Variants in CCDC57 observed in about 807,000 individuals in gnomAD.
The protein encoded by CCDC57 is coiled-coil domain containing 57.
Under a neutral mutation model 118.9 loss-of-function variants are expected in CCDC57, and 118 were observed. The ratio of observed to expected loss-of-function variants is 0.99; its 90% confidence interval spans 0.86 to 1.16. The LOEUF (loss-of-function observed/expected upper bound fraction) is 1.16, where lower values mean the gene tolerates loss of function less well. CCDC57 is among the 50% of genes most tolerant of loss of function. The pLI, the probability that CCDC57 is intolerant of heterozygous loss-of-function variation, is 0.00. For synonymous variants in CCDC57, 527 were observed against 532.9 expected (o/e 0.99, Z 0.15); for missense variants, 1,300 against 1,320.7 (o/e 0.98, Z 0.24).
chr17:82,128,142 G>C (rs184397288), intron 18 of CCDC57, among the ~76,000 whole-genome samples: 2 of 152,140 alleles, frequency 1.3e-5, no homozygotes, highest in African/African-American at 4.8e-5. Context: ...CTCAGTGCTC[G>C]TCTCAACACT....
chr17:82,172,916 C>A lies in CCDC57; in HGVS notation c.1507-56G>T. 6 of 1,482,024 alleles carry A rather than the reference C, an allele frequency of 4.0e-6. No individual in the cohort carries two copies. Among genetic ancestry groups the A allele is most frequent in the Non-Finnish European group, 4.6e-6 (5 of 1,081,158 alleles). 91.8% of individuals were successfully genotyped at this position (1,482,024 alleles called of 1,614,324 possible). Reference sequence around the variant, plus strand: ...AAGATGAATGGTTCCCCAGCTTGTCCTGACAGGCTGTGCCTCCGCTCTCCC... The same window carrying A: ...AAGATGAATGGTTCCCCAGCTTGTCATGACAGGCTGTGCCTCCGCTCTCCC... On this transcript the variant is annotated intron_variant, in intron 11 of 19. Coordinates refer to ENST00000665763, the Ensembl canonical transcript of CCDC57. The surrounding 1 kb of genome is among the most constrained non-coding windows in gnomAD (Gnocchi z 5.2).
At chr17:82,116,254 C>T (rs1208901229) in intron 19 of CCDC57, among the ~76,000 whole-genome samples, 2 of 151,812 alleles carry the variant, frequency 1.3e-5, no homozygotes, top group African/African-American at 2.4e-5. Flanking sequence ...CTAAACCATC[C>T]TCTGCAGCTG....
intron 16 of CCDC57, among the ~76,000 whole-genome samples, chr17:82,145,347 G>A (rs1194081967): frequency 7.0e-6 from 1 of 143,768 alleles, no homozygotes; most frequent in African/African-American, 2.5e-5. Flanking sequence ...ATGAGTATGA[G>A]ACCAGCCTGG....
intron 16 of CCDC57, among the ~76,000 whole-genome samples, chr17:82,140,393 G>A (rs1183181366): frequency 6.6e-6 from 1 of 151,804 alleles, no homozygotes; most frequent in Non-Finnish European, 1.5e-5. Context: ...ACCAATTTTT[G>A]TATTTTTAGT....
intron 14 of CCDC57, among the ~76,000 whole-genome samples, chr17:82,161,876 G>A (rs1000590583): frequency 4.6e-5 from 7 of 152,006 alleles, no homozygotes; most frequent in African/African-American, 1.7e-4. Flanking sequence ...ACTTTAAAAT[G>A]GCCAAAATGA....
chr17:82,183,872 A>G, exon 9 of CCDC57: 1 of 1,613,570 alleles, frequency 6.2e-7, no homozygotes, highest in Non-Finnish European at 8.5e-7. Flanking sequence ...CCATCTCCTT[A>G]GATAGTTGAG....
Position 82,183,772 on chromosome 17 carries a change from AC to A in CCDC57, c.1211+1del. On this transcript the variant is annotated splice_donor_variant, in intron 9 of 19. Coordinates refer to ENST00000665763, the Ensembl canonical transcript of CCDC57. LOFTEE classifies it high-confidence loss of function. ...TGGAAACATCTGCCTGGGGACAGTTACCTTTCAATGTCCTGCTGGGATCGGG... is the reference window on the plus strand; with the variant it reads ...TGGAAACATCTGCCTGGGGACAGTTACTTTCAATGTCCTGCTGGGATCGGG... 2.6e-6 allele frequency: 4 copies of A among 1,554,614 alleles called. No homozygotes were observed. In the South Asian group the frequency reaches 4.7e-5, roughly 18 times the overall value.
intron 13 of CCDC57, among the ~76,000 whole-genome samples, chr17:82,163,628 A>T (rs934259766): frequency 1.1e-4 from 16 of 152,210 alleles, no homozygotes; most frequent in Admixed American, 6.5e-5. Flanking sequence ...GATAGAGACC[A>T]ATTGCTCCAG....
At chr17:82,151,918 G>C in intron 15 of CCDC57, 145 bp from the exon 15 acceptor site, 1 of 656,380 alleles carries the variant, frequency 1.5e-6, no homozygotes, top group South Asian at 1.9e-5. Flanking sequence ...CCAAAAGAAA[G>C]ACAAAAAGAG....
intron 19 of CCDC57, among the ~76,000 whole-genome samples, chr17:82,111,376 CCTT>C (rs1568138380): frequency 2.1e-5 from 3 of 140,246 alleles, no homozygotes; most frequent in African/African-American, 5.6e-5. Flanking sequence ...TGCCTAGGGC[CCTT>C]TTTTTTTTTT....
At chr17:82,158,731 C>T (rs1251675134) in intron 14 of CCDC57, among the ~76,000 whole-genome samples, 8 of 149,974 alleles carry the variant, frequency 5.3e-5, no homozygotes. Flanking sequence ...TATTTATTTA[C>T]TTATTTTATT....
At position 82,120,117 on chromosome 17, in the gene CCDC57, A is replaced by G. The variant is rs556246758; in HGVS notation, c.2899+7575T>C. 3.9e-5 allele frequency among the ~76,000 whole-genome samples: 6 copies of G among 152,270 alleles called. No individual in the cohort carries two copies. The East Asian group carries it at 1.2e-3, about 29-fold the overall frequency. ...CCTACAATAGTCGTTCATGTCATTA[A>G]TTTAGATGCCACTAAATTGTTAACT... On this transcript the variant is annotated intron_variant, in intron 19 of 19. Coordinates refer to ENST00000665763, the Ensembl canonical transcript of CCDC57.
chr17:82,200,469 C>T (rs1181076564), intron 3 of CCDC57, among the ~76,000 whole-genome samples: 2 of 152,114 alleles, frequency 1.3e-5, no homozygotes, highest in Non-Finnish European at 2.9e-5. Flanking sequence ...TTTACTCCTG[C>T]GGCTTTAAAA....
At chr17:82,126,362 ACAC>A in intron 19 of CCDC57, 1 of 956,292 alleles carries the variant, frequency 1.0e-6, no homozygotes, top group African/African-American at 1.8e-5. Flanking sequence ...ACATAAAAAA[ACAC>A]CATAATAAAC....
At chr17:82,139,417 G>A (rs927451562) in intron 16 of CCDC57, among the ~76,000 whole-genome samples, 3 of 152,110 alleles carry the variant, frequency 2.0e-5, no homozygotes, top group African/African-American at 7.2e-5. Flanking sequence ...GTGCAGTGGT[G>A]GGATCTCGGC....
intron 3 of CCDC57, among the ~76,000 whole-genome samples, chr17:82,200,180 G>A (rs372293899): frequency 3.9e-5 from 6 of 152,116 alleles, no homozygotes; most frequent in South Asian, 4.1e-4. Flanking sequence ...CTGTTGGCCC[G>A]TTCACACCCA....
At chr17:82,164,127 G>C (rs1424407682) in intron 13 of CCDC57, among the ~76,000 whole-genome samples, 1 of 152,120 alleles carries the variant, frequency 6.6e-6, no homozygotes, top group Non-Finnish European at 1.5e-5. Context: ...TGTAATCTCA[G>C]CACTTTGGGA....
chr17:82,105,102 G>T (rs1188204305), intron 19 of CCDC57: 1 of 152,362 alleles, frequency 6.6e-6, no homozygotes, highest in Non-Finnish European at 1.5e-5. Context: ...ACACCTACGT[G>T]GCTTCCTAGG....
intron 13 of CCDC57, among the ~76,000 whole-genome samples, chr17:82,166,475 G>A (rs551494178): frequency 8.6e-5 from 13 of 150,476 alleles, no homozygotes; most frequent in South Asian, 4.2e-4. Flanking sequence ...TGATAATGCC[G>A]TTGCACTCCA....
Sources: gnomAD v4.1 joint callset for allele counts (sites outside exome capture counted in the v4.1 genomes callset) on GRCh38, gnomAD v4.1.1 for gene constraint, Gnocchi (gnomAD v3.1) non-coding constraint, MANE v1.5 for transcripts, NCBI Gene and HGNC (gene_info 2026-07-23, HGNC 2026-07-21) for gene names.